The following MYO19 variants were observed in gnomAD, a reference collection of about 807,000 sequenced individuals.
The protein encoded by MYO19 is myosin XIX, also known as unconventional myosin-XIX.
Under a neutral mutation model 129.2 loss-of-function variants are expected in MYO19, and 132 were observed. The ratio of observed to expected loss-of-function variants is 1.02; its 90% CI spans 0.89 to 1.18. MYO19 has a LOEUF of 1.18. MYO19 is among the 50% of genes most tolerant of loss of function. MYO19 has a pLI of 0.00. For synonymous variants in MYO19, 531 were observed against 477.2 expected, an observed-to-expected ratio of 1.11 and a Z score of -1.47; for missense variants, 1,210 against 1,216.7, an observed-to-expected ratio of 0.99 and a Z score of 0.08.
intron 15 of MYO19, 28 bp downstream of exon 15, chr17:36,507,775 C>A (rs1163839488): frequency 3.8e-6 from 6 of 1,571,120 alleles, no homozygotes; most frequent in East Asian, 2.3e-5. Flanking sequence ...AAAAGAAGGA[C>A]CTGCCTCCTG....
At chr17:36,513,033 AG>A in intron 11 of MYO19, 1 of 1,079,712 alleles carries the variant, frequency 9.3e-7, no homozygotes, top group Non-Finnish European at 1.2e-6. Context: ...TCAGGCATAA[AG>A]GGAAATAAAC....
At chr17:36,522,345 T>G (rs1326840566) in intron 6 of MYO19, among the ~76,000 whole-genome samples, 1 of 147,840 alleles carries the variant, frequency 6.8e-6, no homozygotes, top group Non-Finnish European at 1.5e-5. Flanking sequence ...CCGTCTCTAC[T>G]AAAAATACAA....
At chr17:36,499,038 A>G (rs1291025436) in intron 24 of MYO19, 37 bp downstream of exon 24, 3 of 1,530,326 alleles carry the variant, frequency 2.0e-6, no homozygotes, top group South Asian at 2.4e-5. Flanking sequence ...CCCAAAATTG[A>G]TCCACTGCCC....
At chr17:36,505,452 G>C (rs1220560260) in intron 18 of MYO19, 48 bp from the exon 19 acceptor site, 6 of 1,436,088 alleles carry the variant, frequency 4.2e-6, no homozygotes, top group Non-Finnish European at 5.8e-6. Flanking sequence ...GGCTGCCCAG[G>C]GCCATCAACT....
At chr17:36,502,560 T>A (rs2071605601) in intron 21 of MYO19, among the ~76,000 whole-genome samples, 1 of 152,312 alleles carries the variant, frequency 6.6e-6, no homozygotes, top group East Asian at 1.9e-4. Flanking sequence ...CCCTCCATGG[T>A]GCCCCCAGAG....
At chr17:36,509,257 T>A in intron 13 of MYO19, 122 bp from the exon 14 acceptor site, 1 of 787,050 alleles carries the variant, frequency 1.3e-6, no homozygotes, top group Non-Finnish European at 2.2e-6. Flanking sequence ...GCCTGACAGG[T>A]CAAAGACCAA....
At chr17:36,539,974 C>T (rs1268164416) in intron 2 of MYO19, among the ~76,000 whole-genome samples, 1 of 150,340 alleles carries the variant, frequency 6.7e-6, no homozygotes, top group African/African-American at 2.5e-5. Flanking sequence ...GGGCAAATGG[C>T]AGAGAACATT....
chr17:36,505,937 G>A (rs1434556784), intron 18 of MYO19, among the ~76,000 whole-genome samples: 1 of 152,158 alleles, frequency 6.6e-6, no homozygotes, highest in Non-Finnish European at 1.5e-5. Flanking sequence ...TCCTCGAGGT[G>A]GTGGTGATAA....
Position 36,526,744 on chromosome 17 carries a change from G to A in MYO19, c.300+807C>T, listed in dbSNP as rs545775196. 9.2e-5 allele frequency among the ~76,000 whole-genome samples: 14 copies of A among 151,958 alleles called. No homozygotes were observed. The Middle Eastern group carries it at 0.01, about 112-fold the overall frequency. ...TCTACTAAAAATACAAAAATTAGCC[G>A]GGCATGGTGGTGGGCACCTGTAGTC... On this transcript the variant is annotated intron_variant, in intron 5 of 25. Coordinates refer to ENST00000614623, the MANE Select transcript of MYO19 (RefSeq NM_001163735.2).
In MYO19 at chr17:36,513,652, G is replaced by C. The variant is rs781774698; in HGVS notation, c.794C>G (p.Pro265Arg). 6.2e-7 allele frequency: 1 copy of C among 1,613,966 alleles called. No homozygotes were observed. Among genetic ancestry groups the C allele is most frequent in the South Asian group, 1.1e-5 (1 of 91,074 alleles). The change falls in exon 10 of 26, where the codon CCC becomes CGC. Residue 265 changes from proline to arginine, a missense_variant. Coordinates refer to ENST00000614623, the MANE Select transcript of MYO19 (RefSeq NM_001163735.2). ...ACCTTCTAAGCTCCTCTCTGGGTTG[G>C]GCAGCCAGGAGAAGGCAGCTCCCTC... is the stretch of plus-strand genomic sequence containing the variant. ...LPEGAAFSWL[P>R]NPERSLEEDC...
At chr17:36,526,014 C>T (rs1427762226) in intron 5 of MYO19, among the ~76,000 whole-genome samples, 3 of 152,182 alleles carry the variant, frequency 2.0e-5, no homozygotes, top group African/African-American at 7.2e-5. Flanking sequence ...GAGGGCCACG[C>T]CATCTCCACA....
At chr17:36,520,219 G>C (rs2073052141) in intron 6 of MYO19, among the ~76,000 whole-genome samples, 1 of 151,974 alleles carries the variant, frequency 6.6e-6, no homozygotes, top group Non-Finnish European at 1.5e-5. Flanking sequence ...CAAATGATCT[G>C]CCTGCCTCAG....
At chr17:36,514,399 C>A in intron 9 of MYO19, 47 bp downstream of exon 9, 3 of 1,253,358 alleles carry the variant, frequency 2.4e-6, no homozygotes, top group Non-Finnish European at 3.5e-6. Context: ...AACACGGACC[C>A]ATCCCTGTCT....
At chr17:36,521,697 A>T (rs961497037) in intron 6 of MYO19, among the ~76,000 whole-genome samples, 1 of 152,220 alleles carries the variant, frequency 6.6e-6, no homozygotes, top group African/African-American at 2.4e-5. Context: ...GGGAAAAAAG[A>T]AATCACCATT....
At chr17:36,540,598 T>C (rs940322179) in intron 2 of MYO19, among the ~76,000 whole-genome samples, 1 of 152,172 alleles carries the variant, frequency 6.6e-6, no homozygotes, top group Non-Finnish European at 1.5e-5. Context: ...CTCGAACTCC[T>C]GTCCTCAAGT....
At chr17:36,502,746 TCCTCATACCCACACTGCTGCCTCAAG>T in intron 21 of MYO19, 1 of 262,938 alleles carries the variant, frequency 3.8e-6, no homozygotes, top group South Asian at 6.4e-5. Flanking sequence ...TGGCTGGAGT[TCCTCATACCCACACTGCTGCCTCAAG>T]CCTCTAGGCC....
At chr17:36,506,380 C>T in intron 18 of MYO19, 76 bp downstream of exon 18, 1 of 1,583,868 alleles carries the variant, frequency 6.3e-7, no homozygotes, top group Non-Finnish European at 8.7e-7. Context: ...AGCACCGATC[C>T]CGGCAGGTGC....
At chr17:36,500,573 A>AAAGACAACGCT (rs2071442557) in intron 23 of MYO19, 1 of 484,240 alleles carries the variant, frequency 2.1e-6, no homozygotes, top group Non-Finnish European at 3.6e-6. Flanking sequence ...GAAAGGAATT[A>AAAGACAACGCT]AAGACAACGC....
At chr17:36,497,503 C>T (rs934468979) in intron 25 of MYO19, 4 of 983,356 alleles carry the variant, frequency 4.1e-6, no homozygotes, top group Middle Eastern at 1.0e-3. Flanking sequence ...ATTATTTGCT[C>T]TCAAGTCTTG....
Sources: gnomAD v4.1 joint callset for allele counts (sites outside exome capture counted in the v4.1 genomes callset) on GRCh38, gnomAD v4.1.1 for gene constraint, MANE v1.5 for transcripts, NCBI Gene and HGNC (gene_info 2026-07-23, HGNC 2026-07-21) for gene names.